Variants in CTNNA3 observed in about 807,000 individuals in gnomAD.
The protein encoded by CTNNA3 is catenin alpha-3.
Under a neutral mutation model 95.7 loss-of-function variants are expected in CTNNA3, and 76 were observed. The observed-to-expected ratio is 0.79, with a 90% CI of 0.66 to 0.96. The LOEUF is 0.96. CTNNA3 is among the 40% of genes least tolerant of loss of function. The pLI is 0.00. For synonymous variants in CTNNA3, 431 were observed against 374.4 expected (o/e 1.15, Z -1.74); for missense variants, 1,191 against 1,089.8 (o/e 1.09, Z -1.31).
intron 7 of CTNNA3, among the ~76,000 whole-genome samples, chr10:66,807,129 A>G (rs2132252501): frequency 6.6e-6 from 1 of 152,120 alleles, no homozygotes; most frequent in South Asian, 2.1e-4. Flanking sequence ...TGAGGCCAAA[A>G]GTTTGTACCT....
chr10:67,179,742 A>G (rs570236042), intron 7 of CTNNA3, among the ~76,000 whole-genome samples: 1 of 152,138 alleles, frequency 6.6e-6, no homozygotes, highest in East Asian at 1.9e-4. Context: ...TAGAAGGATC[A>G]TATGAGCCCA....
rs79657497 is a variant in CTNNA3 at position 67,120,348 on chromosome 10, C to T, written c.1047+59969G>A. Among the ~76,000 whole-genome samples, 206 of 151,976 alleles carry T rather than the reference C, an allele frequency of 1.4e-3. 3 individuals carry two copies. In the East Asian group the frequency reaches 0.037, roughly 28 times the overall value. On this transcript the variant is annotated intron_variant, in intron 7 of 17. Transcript: ENST00000433211. Reference sequence around the variant, plus strand: ...CTTATCCAAACTACATGGCATTAGACTGTATAAGCTTCCTTTGGTGAAGCA... The same window carrying T: ...CTTATCCAAACTACATGGCATTAGATTGTATAAGCTTCCTTTGGTGAAGCA...
At chr10:67,247,799 C>A (rs572341635) in intron 5 of CTNNA3, among the ~76,000 whole-genome samples, 3 of 152,132 alleles carry the variant, frequency 2.0e-5, no homozygotes, top group East Asian at 3.9e-4. Flanking sequence ...ACCTGAACCC[C>A]AAAAATATGT....
chr10:65,999,400 T>C (rs1360655910), intron 15 of CTNNA3, among the ~76,000 whole-genome samples: 4 of 152,170 alleles, frequency 2.6e-5, no homozygotes, highest in Admixed American at 1.3e-4. Flanking sequence ...AAATACTATG[T>C]TTCCCAGTTT....
chr10:66,793,813 A>G (rs922947721), intron 7 of CTNNA3, among the ~76,000 whole-genome samples: 4 of 152,230 alleles, frequency 2.6e-5, no homozygotes, highest in Admixed American at 2.6e-4. Context: ...TTGTTGTGTC[A>G]GTACAGTCAT....
intron 1 of CTNNA3, among the ~76,000 whole-genome samples, chr10:67,732,437 T>C (rs984974908): frequency 6.6e-6 from 1 of 152,214 alleles, no homozygotes; most frequent in African/African-American, 2.4e-5. Context: ...GTTGACTTTA[T>C]CTTCTTGATA....
chr10:66,276,818 A>G (rs530834556), intron 13 of CTNNA3, among the ~76,000 whole-genome samples: 1 of 148,032 alleles, frequency 6.8e-6, no homozygotes, highest in Non-Finnish European at 1.5e-5. Context: ...TTCTTATTAT[A>G]GCCTATTGTT....
intron 13 of CTNNA3, among the ~76,000 whole-genome samples, chr10:66,128,883 T>G (rs938523786): frequency 2.0e-5 from 3 of 152,010 alleles, no homozygotes; most frequent in Non-Finnish European, 4.4e-5. Flanking sequence ...TGTGTGTGTG[T>G]GTGTGTTGTG....
intron 7 of CTNNA3, among the ~76,000 whole-genome samples, chr10:66,782,401 T>C (rs1840572165): frequency 1.3e-5 from 2 of 152,154 alleles, no homozygotes. Flanking sequence ...CCATCTCTTC[T>C]TGTTCAACAG....
At chr10:66,450,240 C>A (rs78745282) in intron 11 of CTNNA3, among the ~76,000 whole-genome samples, 1 of 152,068 alleles carries the variant, frequency 6.6e-6, no homozygotes, top group African/African-American at 2.4e-5. Flanking sequence ...TGATATTTTG[C>A]AGTTATGTTT....
intron 7 of CTNNA3, among the ~76,000 whole-genome samples, chr10:66,848,039 G>C (rs887460148): frequency 6.6e-6 from 1 of 152,106 alleles, no homozygotes; most frequent in South Asian, 2.1e-4. Flanking sequence ...GGATGAACAT[G>C]CTATATGTGG....
intron 7 of CTNNA3, among the ~76,000 whole-genome samples, chr10:66,953,624 T>C (rs905746519): frequency 8.5e-5 from 13 of 152,152 alleles, no homozygotes; most frequent in African/African-American, 3.1e-4. Flanking sequence ...TACATTACCT[T>C]ATAAAAATAA....
At chr10:66,695,914 T>A in intron 9 of CTNNA3, among the ~76,000 whole-genome samples, 1 of 33,320 alleles carries the variant, frequency 3.0e-5, no homozygotes, top group African/African-American at 1.2e-4. Flanking sequence ...GAAAGAGACG[T>A]AAGGGGGGGG....
chr10:66,346,242 T>TAGAG (rs1347078009), intron 12 of CTNNA3, among the ~76,000 whole-genome samples: 17 of 8,858 alleles, frequency 1.9e-3, no homozygotes, highest in African/African-American at 6.5e-3. Flanking sequence ...TATATATATA[T>TAGAG]ATATAGAGAG....
chr10:66,946,236 G>A (rs1848267939), intron 7 of CTNNA3, among the ~76,000 whole-genome samples: 1 of 152,034 alleles, frequency 6.6e-6, no homozygotes, highest in South Asian at 2.1e-4. Flanking sequence ...TAGAGAGGGA[G>A]AGAATTGGAA....
rs1322451227 is a variant in CTNNA3, at chr10:67,373,461, C to A, written c.579+148381G>T. ...ATATATGCACCCAATACAGGAGCAC[C>A]CAGATTCATAAAGCAAGTCCTTGGA... On this transcript the variant is annotated intron_variant, in intron 5 of 17. Transcript: ENST00000433211. 3.9e-5 allele frequency among the ~76,000 whole-genome samples: 6 copies of A among 152,020 alleles called. 1 individual carries two copies. The highest frequency in any genetic ancestry group is 3.9e-4 in the Admixed American group (6 of 15,268).
At chr10:65,964,939 G>A (rs928528415) in intron 17 of CTNNA3, among the ~76,000 whole-genome samples, 2 of 152,078 alleles carry the variant, frequency 1.3e-5, no homozygotes, top group Non-Finnish European at 2.9e-5. Flanking sequence ...ATACATGTAT[G>A]CATATGTGTC....
intron 7 of CTNNA3, among the ~76,000 whole-genome samples, chr10:67,046,262 T>G (rs1854736585): frequency 6.6e-6 from 1 of 152,208 alleles, no homozygotes; most frequent in African/African-American, 2.4e-5. Context: ...TTCTCCTTAA[T>G]TTACCTTATG....
intron 7 of CTNNA3, among the ~76,000 whole-genome samples, chr10:67,166,077 G>A (rs1353461550): frequency 6.6e-6 from 1 of 152,140 alleles, no homozygotes; most frequent in Non-Finnish European, 1.5e-5. Context: ...TTGCCAAGGA[G>A]GAAGGGAGAC....
Sources: gnomAD v4.1 joint callset for allele counts (sites outside exome capture counted in the v4.1 genomes callset) on GRCh38, gnomAD v4.1.1 for gene constraint, MANE v1.5 for transcripts, NCBI Gene and HGNC (gene_info 2026-07-23, HGNC 2026-07-21) for gene names.